Variants in DLC1 observed in about 807,000 individuals in gnomAD.
DLC1 encodes DLC1 Rho GTPase activating protein, also known as rho GTPase-activating protein 7.
DLC1 carries 54 observed loss-of-function variants against 140.3 expected under a neutral mutation model. The ratio of observed to expected loss-of-function variants is 0.38; its 90% CI spans 0.31 to 0.48. The LOEUF (loss-of-function observed/expected upper bound fraction) is 0.48. DLC1 is among the 20% of genes least tolerant of loss of function. The pLI is 0.96. For synonymous variants in DLC1, 986 were observed against 728.1 expected (o/e 1.35, Z -5.70); for missense variants, 2,536 against 1,907.0 (o/e 1.33, Z -6.14).
rs1817386648 is a variant in DLC1, at chr8:13,084,393, C to G, written c.*1418G>C. ...AAATAAAAATCCTTCTTACAGCTCT[C>G]ATTCATACATTATTCACTTTTGATC... On this transcript the variant is annotated 3_prime_UTR_variant, in exon 18 of 18. Coordinates refer to ENST00000276297, the MANE Select transcript of DLC1 (RefSeq NM_182643.3). 1 of 152,548 alleles carries G rather than the reference C, an allele frequency of 6.6e-6. No individual in the cohort carries two copies. Among genetic ancestry groups the G allele is most frequent in the South Asian group, 2.1e-4 (1 of 4,828 alleles). 9.4% of individuals were successfully genotyped at this position (152,548 alleles called of 1,614,324 possible). A position where few individuals can be genotyped will look rare whatever the true frequency, so the allele number is the denominator to read the frequency against.
intron 1 of DLC1, among the ~76,000 whole-genome samples, chr8:13,571,448 C>G (rs1804649932): frequency 6.6e-6 from 1 of 152,216 alleles, no homozygotes. Flanking sequence ...TACTTCATAT[C>G]AGTGCAATCA....
chr8:13,246,857 C>T (rs1158486996), intron 5 of DLC1, among the ~76,000 whole-genome samples: 1 of 152,138 alleles, frequency 6.6e-6, no homozygotes, highest in East Asian at 1.9e-4. Context: ...AAAGCAGTAT[C>T]ATAAGGCCAA....
intron 1 of DLC1, among the ~76,000 whole-genome samples, chr8:13,506,907 A>AT (rs1802115928): frequency 6.6e-6 from 1 of 152,058 alleles, no homozygotes; most frequent in Non-Finnish European, 1.5e-5. Flanking sequence ...GGAAACCTGA[A>AT]TATCTGGTAA....
At chr8:13,178,423 G>C (rs759999876) in intron 5 of DLC1, among the ~76,000 whole-genome samples, 2 of 151,878 alleles carry the variant, frequency 1.3e-5, no homozygotes, top group African/African-American at 4.8e-5. Context: ...TTAGCCAGGC[G>C]TGGTGGCGGG....
chr8:13,517,931 A>G (rs986956387), upstream of DLC1, among the ~76,000 whole-genome samples: 1 of 152,132 alleles, frequency 6.6e-6, no homozygotes. Flanking sequence ...TGCCTTTTTT[A>G]ATGTTTACAT....
chr8:13,361,741 C>A (rs1186202170), intron 4 of DLC1, among the ~76,000 whole-genome samples: 2 of 152,228 alleles, frequency 1.3e-5, no homozygotes, highest in East Asian at 3.9e-4. Flanking sequence ...TCTAATGTCC[C>A]TTCTGTTAGG....
chr8:13,557,355 G>A (rs1331027901), intron 1 of DLC1, among the ~76,000 whole-genome samples: 1 of 152,132 alleles, frequency 6.6e-6, no homozygotes, highest in African/African-American at 2.4e-5. Context: ...GTTACAGTCT[G>A]GGTAATTATT....
intron 4 of DLC1, among the ~76,000 whole-genome samples, chr8:13,363,459 A>G (rs371769958): frequency 6.6e-6 from 1 of 152,020 alleles, no homozygotes; most frequent in Non-Finnish European, 1.5e-5. Context: ...AGCTCAGATA[A>G]CAAATTGGTC....
At chr8:13,527,538 G>A (rs2117298714) in intron 1 of DLC1, among the ~76,000 whole-genome samples, 1 of 152,170 alleles carries the variant, frequency 6.6e-6, no homozygotes, top group African/African-American at 2.4e-5. Context: ...ACTGTCTGTT[G>A]TTTTATTCTT....
Position 13,567,098 on chromosome 8 carries a change from G to C in DLC1, c.-126+37439C>G, listed in dbSNP as rs757281084. 5.2e-6 allele frequency: 8 copies of C among 1,551,652 alleles called. No individual in the cohort carries two copies. In the African/African-American group the frequency reaches 5.5e-5, roughly 11 times the overall value. ...TCTACTGATGAGGTACAGACTTCCA[G>C]CTCATTCAGCTCCTCTGGAGGACGG... On this transcript the variant is annotated intron_variant, in intron 1 of 1. Coordinates refer to the DLC1 transcript ENST00000631382.
intron 5 of DLC1, among the ~76,000 whole-genome samples, chr8:13,149,263 T>C (rs1284855522): frequency 6.6e-5 from 10 of 152,244 alleles, no homozygotes; most frequent in Non-Finnish European, 1.5e-4. Flanking sequence ...CTCTTTTTCC[T>C]AGCTCCTTGT....
intron 2 of DLC1, among the ~76,000 whole-genome samples, chr8:13,470,679 A>G (rs1056930030): frequency 1.3e-5 from 2 of 152,214 alleles, no homozygotes; most frequent in African/African-American, 4.8e-5. Flanking sequence ...AGCCATATGG[A>G]AAAAAGTATA....
At chr8:13,536,636 C>A (rs755273242) in intron 1 of DLC1, among the ~76,000 whole-genome samples, 4 of 152,166 alleles carry the variant, frequency 2.6e-5, no homozygotes, top group Admixed American at 2.0e-4. Flanking sequence ...AATATTTGAA[C>A]TGAGTTACTT....
chr8:13,585,306 G>T (rs1203103942), intron 1 of DLC1, among the ~76,000 whole-genome samples: 1 of 152,102 alleles, frequency 6.6e-6, no homozygotes, highest in Non-Finnish European at 1.5e-5. Context: ...GCTTACACCT[G>T]TAATCCCAGC....
intron 5 of DLC1, among the ~76,000 whole-genome samples, chr8:13,228,209 G>T (rs1385654354): frequency 1.3e-5 from 2 of 150,946 alleles, no homozygotes; most frequent in Non-Finnish European, 2.9e-5. Context: ...GGGGGATTTT[G>T]TATATTTAGC....
At chr8:13,581,977 G>T (rs1225808531) in intron 1 of DLC1, among the ~76,000 whole-genome samples, 2 of 152,326 alleles carry the variant, frequency 1.3e-5, no homozygotes, top group East Asian at 3.9e-4. Context: ...GTGAGTGTGT[G>T]TGTGGGTGTG....
intron 5 of DLC1, among the ~76,000 whole-genome samples, chr8:13,126,368 T>TACACACACACACACACACAC (rs3065349): frequency 1.1e-4 from 16 of 145,600 alleles, no homozygotes; most frequent in African/African-American, 2.3e-4. Context: ...TCTCTATCCA[T>TACACACACACACACACACAC]ACACACACAC....
At chr8:13,116,930 A>C (rs905802661) in intron 5 of DLC1, among the ~76,000 whole-genome samples, 2 of 152,198 alleles carry the variant, frequency 1.3e-5, no homozygotes, top group African/African-American at 4.8e-5. Flanking sequence ...TCAACCCAAG[A>C]CTTAGGACCG....
At chr8:13,193,248 C>T (rs75620409) in intron 5 of DLC1, among the ~76,000 whole-genome samples, 11,480 of 152,176 alleles carry the variant, frequency 0.075, 468 homozygotes, top group African/African-American at 0.09. Flanking sequence ...TTTCAAAAGA[C>T]CATAACTTTT....
Sources: allele counts gnomAD v4.1 joint callset (sites outside exome capture counted in the v4.1 genomes callset), GRCh38; gene constraint gnomAD v4.1.1; transcripts MANE v1.5; gene names NCBI Gene and HGNC (gene_info 2026-07-23, HGNC 2026-07-21).